COL24A1: variants seen among roughly 807,000 people sequenced by gnomAD.
COL24A1 encodes collagen type XXIV alpha 1 chain.
COL24A1 carries 224 observed loss-of-function variants against 253.9 expected under a neutral mutation model. The observed-to-expected ratio is 0.88, with a 90% CI of 0.79 to 0.99. The LOEUF (loss-of-function observed/expected upper bound fraction) is 0.99, where lower values mean the gene tolerates loss of function less well. Among genes scored for constraint, COL24A1 ranks in the 50% least tolerant of loss-of-function variants. The pLI, the probability that COL24A1 is intolerant of heterozygous loss-of-function variation, is 0.00. For missense variants in COL24A1, 2,131 were observed against 2,068.5 expected (o/e 1.03, Z -0.59); for synonymous variants, 685 against 673.7 (o/e 1.02, Z -0.26).
intron 7 of COL24A1, among the ~76,000 whole-genome samples, chr1:86,083,822 T>A (rs1022932869): frequency 6.6e-6 from 1 of 152,208 alleles, no homozygotes; most frequent in Non-Finnish European, 1.5e-5. Context: ...ATGTGCTTGT[T>A]ACATGCCAGA....
At chr1:85,904,406 T>C (rs1159337062) in intron 28 of COL24A1, among the ~76,000 whole-genome samples, 1 of 152,178 alleles carries the variant, frequency 6.6e-6, no homozygotes, top group Non-Finnish European at 1.5e-5. Flanking sequence ...GAGTTCCATG[T>C]GCAGCTGATG....
chr1:85,857,699 A>G (rs1407657996), intron 37 of COL24A1, among the ~76,000 whole-genome samples: 2 of 152,136 alleles, frequency 1.3e-5, no homozygotes, highest in African/African-American at 4.8e-5. Flanking sequence ...TTGAGAGACT[A>G]AGCATCTTGA....
intron 7 of COL24A1, among the ~76,000 whole-genome samples, chr1:86,086,114 T>G (rs1466031327): frequency 6.6e-6 from 1 of 152,182 alleles, no homozygotes; most frequent in African/African-American, 2.4e-5. Flanking sequence ...AATTTTAATA[T>G]TTACAGGTAC....
chr1:86,122,092 C>A (rs532970056), intron 3 of COL24A1, among the ~76,000 whole-genome samples: 1 of 144,872 alleles, frequency 6.9e-6, no homozygotes, highest in Non-Finnish European at 1.5e-5. Flanking sequence ...TAAAATCTAC[C>A]TTTAGTCTTC....
chr1:86,145,056 T>C (rs941400280), intron 2 of COL24A1, among the ~76,000 whole-genome samples: 5 of 152,146 alleles, frequency 3.3e-5, no homozygotes, highest in Non-Finnish European at 4.4e-5. Context: ...TTAGAAAATG[T>C]CTTCTAAGAA....
chr1:85,792,672 C>T (rs1329016459), intron 47 of COL24A1, among the ~76,000 whole-genome samples: 3 of 152,006 alleles, frequency 2.0e-5, no homozygotes, highest in African/African-American at 7.2e-5. Context: ...CATGCCACTG[C>T]ACTCTAGCCT....
chr1:85,871,416 T>A (rs1413099283), intron 35 of COL24A1, among the ~76,000 whole-genome samples: 2 of 152,072 alleles, frequency 1.3e-5, no homozygotes, highest in African/African-American at 2.4e-5. Context: ...TAGACCAATA[T>A]CCCTGATGAA....
intron 24 of COL24A1, among the ~76,000 whole-genome samples, chr1:85,951,374 G>A (rs1689907628): frequency 6.6e-6 from 1 of 152,144 alleles, no homozygotes; most frequent in South Asian, 2.1e-4. Context: ...AAGACTTCAT[G>A]GTTGAGAAGG....
chr1:85,874,201 C>A (rs1680875769), intron 35 of COL24A1, among the ~76,000 whole-genome samples: 1 of 152,074 alleles, frequency 6.6e-6, no homozygotes, highest in Non-Finnish European at 1.5e-5. Context: ...TATCTAATTG[C>A]AACAATTTAC....
At chr1:85,963,739 G>A (rs1390454639) in intron 23 of COL24A1, among the ~76,000 whole-genome samples, 1 of 152,148 alleles carries the variant, frequency 6.6e-6, no homozygotes, top group African/African-American at 2.4e-5. Flanking sequence ...AGGTAACACA[G>A]AAGCCACCTA....
Position 85,847,579 on chromosome 1 carries a change from T to G in COL24A1, c.3462+86A>C, listed in dbSNP as rs1368712475. 21 of 890,326 alleles carry G rather than the reference T, an allele frequency of 2.4e-5. No individual in the cohort carries two copies. The East Asian group carries it at 5.1e-4, about 22-fold the overall frequency. 55.2% of individuals were successfully genotyped at this position (890,326 alleles called of 1,614,324 possible). A position where few individuals can be genotyped will look rare whatever the true frequency, so the allele number is the denominator to read the frequency against. On this transcript the variant is annotated intron_variant, in intron 39 of 59. Coordinates refer to ENST00000370571, the MANE Select transcript of COL24A1 (RefSeq NM_152890.7). ...GGAACTATTGCTTTGTCTGTAAAGC[T>G]AATCAAGGGATGAAACTTTAAGGGC...
intron 42 of COL24A1, among the ~76,000 whole-genome samples, chr1:85,839,857 T>C (rs1186189908): frequency 6.6e-6 from 1 of 152,162 alleles, no homozygotes; most frequent in Non-Finnish European, 1.5e-5. Flanking sequence ...TAATAGAAAA[T>C]CTTTAATATA....
At chr1:85,986,639 C>A (rs1693746708) in intron 20 of COL24A1, among the ~76,000 whole-genome samples, 1 of 151,828 alleles carries the variant, frequency 6.6e-6, no homozygotes. Flanking sequence ...ATAACTACCT[C>A]ATAATGCTGT....
Position 85,786,990 on chromosome 1 carries a change from A to C in COL24A1, c.3952-529T>G, listed in dbSNP as rs78424103. Among the ~76,000 whole-genome samples, 398 of 152,284 alleles carry C rather than the reference A, an allele frequency of 2.6e-3. 1 individual carries two copies. Among genetic ancestry groups the C allele is most frequent in the African/African-American group, 8.0e-3 (332 of 41,554 alleles). ...CTTTGCAAACTAAATTCAGTCCATC[A>C]CCTGTTTTTGTAGATCTCATGAACT... On this transcript the variant is annotated intron_variant, in intron 47 of 59. Coordinates refer to ENST00000370571, the MANE Select transcript of COL24A1 (RefSeq NM_152890.7).
intron 1 of COL24A1, 53 bp downstream of exon 1, chr1:86,156,285 GGGT>G: frequency 6.6e-7 from 1 of 1,524,046 alleles, no homozygotes; most frequent in Non-Finnish European, 9.0e-7. Context: ...CAGAACCAGG[GGGT>G]GGAGAGAGGG....
chr1:85,803,540 T>C (rs1389079951), intron 47 of COL24A1, among the ~76,000 whole-genome samples: 1 of 151,580 alleles, frequency 6.6e-6, no homozygotes, highest in African/African-American at 2.4e-5. Flanking sequence ...AGGACTTCTG[T>C]AATTTCCCTC....
chr1:85,963,485 T>C (rs1234213401), intron 23 of COL24A1, among the ~76,000 whole-genome samples: 1 of 152,180 alleles, frequency 6.6e-6, no homozygotes, highest in Non-Finnish European at 1.5e-5. Flanking sequence ...GCATTCTTAC[T>C]TTAGTTTTCA....
intron 4 of COL24A1, among the ~76,000 whole-genome samples, chr1:86,114,441 T>C (rs1047071378): frequency 4.6e-5 from 7 of 152,052 alleles, no homozygotes; most frequent in African/African-American, 1.7e-4. Context: ...AAAAATAGGA[T>C]CCAAATTCTC....
At chr1:85,934,361 C>T (rs1232306733) in intron 24 of COL24A1, among the ~76,000 whole-genome samples, 1 of 152,128 alleles carries the variant, frequency 6.6e-6, no homozygotes, top group South Asian at 2.1e-4. Context: ...GATTTAAATT[C>T]TATTCTTGGC....
Sources: gnomAD v4.1 joint callset for allele counts (sites outside exome capture counted in the v4.1 genomes callset) on GRCh38, gnomAD v4.1.1 for gene constraint, MANE v1.5 for transcripts, NCBI Gene and HGNC (gene_info 2026-07-23, HGNC 2026-07-21) for gene names.